The following POU6F2 variants were observed in gnomAD, a reference collection of about 807,000 sequenced individuals.
The protein encoded by POU6F2 is POU domain, class 6, transcription factor 2.
POU6F2 carries 31 observed loss-of-function variants against 71.3 expected under a neutral mutation model. That is an observed-to-expected ratio of 0.43 (90% CI 0.33 to 0.59). The LOEUF is 0.59. Ranked by LOEUF, POU6F2 falls within the 20% of genes least tolerant of loss-of-function variation. The probability of loss-of-function intolerance (pLI) is 0.04; values close to 1 mark genes in which losing one functional copy is unlikely to be tolerated. For missense variants in POU6F2, 783 were observed against 856.8 expected (o/e 0.91, Z 1.07); for synonymous variants, 347 against 355.7 (o/e 0.98, Z 0.27).
At chr7:39,009,947 G>A (rs1404512611) in intron 1 of POU6F2, among the ~76,000 whole-genome samples, 1 of 151,888 alleles carries the variant, frequency 6.6e-6, no homozygotes, top group East Asian at 1.9e-4. Context: ...GAGGATTTTT[G>A]CATCGATGTT....
chr7:39,447,594 A>G (rs1384535743), intron 7 of POU6F2, among the ~76,000 whole-genome samples: 1 of 152,200 alleles, frequency 6.6e-6, no homozygotes, highest in Non-Finnish European at 1.5e-5. Context: ...AATAATATAC[A>G]CAAAAACAGG....
intron 7 of POU6F2, among the ~76,000 whole-genome samples, chr7:39,445,075 G>T (rs80099909): frequency 0.092 from 14,046 of 152,220 alleles, 896 homozygotes; most frequent in Middle Eastern, 0.15. Context: ...GAAAACCAAT[G>T]AGAGACAGCT....
At chr7:39,221,845 G>A (rs1303727741) in intron 4 of POU6F2, among the ~76,000 whole-genome samples, 1 of 152,006 alleles carries the variant, frequency 6.6e-6, no homozygotes, top group Non-Finnish European at 1.5e-5. Flanking sequence ...GAGTACACAG[G>A]CCCTCTGTAT....
chr7:39,056,177 A>G (rs2128714848), intron 1 of POU6F2, among the ~76,000 whole-genome samples: 1 of 152,150 alleles, frequency 6.6e-6, no homozygotes, highest in East Asian at 1.9e-4. Context: ...TCTATTTCTC[A>G]ATTCCAGAAA....
chr7:39,207,403 G>C lies in POU6F2; in HGVS notation c.381G>C (p.Thr127=). 1 of 1,613,788 alleles carries C rather than the reference G, an allele frequency of 6.2e-7. No individual in the cohort carries two copies. Among genetic ancestry groups the C allele is most frequent in the Non-Finnish European group, 8.5e-7 (1 of 1,179,748 alleles). The stretch of plus-strand genomic sequence containing the variant: ...CTGTTTCCTTGCAGCCACTTCTGAC[G>C]GCACAGCAGTTAGCTTCTGCTGTGG... ...PFPVGPQPLL[T]AQQLASAVAG... Residue 127 remains threonine, a synonymous_variant, in exon 4 of 10, where the codon ACG becomes ACC. Transcript: ENST00000518318.
intron 6 of POU6F2, among the ~76,000 whole-genome samples, chr7:39,424,269 C>A (rs1249630648): frequency 1.3e-5 from 2 of 152,200 alleles, no homozygotes; most frequent in Non-Finnish European, 2.9e-5. Context: ...CATAGCAATG[C>A]CCAGCTGAAC....
chr7:39,317,734 A>G (rs1371502841), intron 4 of POU6F2, among the ~76,000 whole-genome samples: 1 of 152,210 alleles, frequency 6.6e-6, no homozygotes, highest in Non-Finnish European at 1.5e-5. Flanking sequence ...TTATTGGTTC[A>G]ACATATATTC....
At chr7:39,000,619 C>G (rs1788879176) in intron 1 of POU6F2, among the ~76,000 whole-genome samples, 1 of 151,940 alleles carries the variant, frequency 6.6e-6, no homozygotes, top group African/African-American at 2.4e-5. Flanking sequence ...ATAGCCCTGG[C>G]CTCAAGACCA....
chr7:39,394,769 A>G (rs938513519), intron 5 of POU6F2, among the ~76,000 whole-genome samples: 1 of 152,092 alleles, frequency 6.6e-6, no homozygotes, highest in Non-Finnish European at 1.5e-5. Flanking sequence ...TGAAGCATCC[A>G]TGACACCCCT....
At chr7:39,063,984 C>T (rs1562691314) in intron 1 of POU6F2, among the ~76,000 whole-genome samples, 1 of 151,956 alleles carries the variant, frequency 6.6e-6, no homozygotes, top group East Asian at 1.9e-4. Context: ...TGATACACCA[C>T]CCACATAATC....
At chr7:39,090,720 A>G (rs13224070) in intron 2 of POU6F2, among the ~76,000 whole-genome samples, 6,013 of 152,280 alleles carry the variant, frequency 0.039, 166 homozygotes, top group Middle Eastern at 0.078. Context: ...ATATCAATTG[A>G]AAATTTATAC....
intron 1 of POU6F2, among the ~76,000 whole-genome samples, chr7:39,000,368 C>T (rs1229013): frequency 0.19 from 28,573 of 152,122 alleles, 2,880 homozygotes; most frequent in Middle Eastern, 0.27. Flanking sequence ...TTACTTCTAG[C>T]GATCACTTGG....
At chr7:39,350,803 A>G (rs1457814472) in intron 5 of POU6F2, among the ~76,000 whole-genome samples, 2 of 152,254 alleles carry the variant, frequency 1.3e-5, no homozygotes, top group African/African-American at 2.4e-5. Context: ...CTTGCCTGGC[A>G]GGTGACTGTC....
At chr7:38,988,856 G>T (rs1002912045) in intron 1 of POU6F2, among the ~76,000 whole-genome samples, 11 of 152,068 alleles carry the variant, frequency 7.2e-5, no homozygotes, top group East Asian at 3.9e-4. Flanking sequence ...AAACATGGCC[G>T]TAACATTACC....
At chr7:39,174,623 A>G (rs1054201559) in intron 2 of POU6F2, among the ~76,000 whole-genome samples, 2 of 150,760 alleles carry the variant, frequency 1.3e-5, no homozygotes, top group Non-Finnish European at 3.0e-5. Context: ...TCCTTCCTTC[A>G]CCCCATGGCT....
Position 39,460,667 on chromosome 7 carries a change from C to T in POU6F2, c.1610C>T (p.Ala537Val). The change falls in exon 9 of 10, where the codon GCT becomes GTT. Residue 537 changes from alanine to valine, a missense_variant. By Grantham distance (64) the Ala-to-Val change is moderately conservative (BLOSUM62 0). Coordinates refer to ENST00000518318, the MANE Select transcript of POU6F2 (RefSeq NM_001370959.1). The surrounding 1 kb of genome is among the most constrained non-coding windows in gnomAD (Gnocchi z 4.4). Reference sequence around the variant, plus strand: ...CTGACCCAGACTCAGGTGGGACAGGCTCTCAGTGCTACAGAGGGCCCCGCG... The same window carrying T: ...CTGACCCAGACTCAGGTGGGACAGGTTCTCAGTGCTACAGAGGGCCCCGCG... ...LGLTQTQVGQ[A>V]LSATEGPAYS... 6.2e-7 allele frequency: 1 copy of T among 1,608,276 alleles called. No individual in the cohort carries two copies.
intron 4 of POU6F2, among the ~76,000 whole-genome samples, chr7:39,270,465 A>G (rs1027228452): frequency 1.3e-5 from 2 of 152,214 alleles, no homozygotes; most frequent in African/African-American, 2.4e-5. Flanking sequence ...AACACATGCT[A>G]TATTGCCTCA....
chr7:39,415,240 C>T (rs1787646825), intron 6 of POU6F2, among the ~76,000 whole-genome samples: 1 of 152,176 alleles, frequency 6.6e-6, no homozygotes, highest in Admixed American at 6.5e-5. Context: ...CCAGGCTGGT[C>T]TAGAACTTCT....
intron 4 of POU6F2, among the ~76,000 whole-genome samples, chr7:39,248,564 G>A (rs1783860214): frequency 6.6e-6 from 1 of 152,082 alleles, no homozygotes; most frequent in East Asian, 1.9e-4. Flanking sequence ...ATCCCCAAAG[G>A]ATCTTCTCTG....
Sources: allele counts gnomAD v4.1 joint callset (sites outside exome capture counted in the v4.1 genomes callset), GRCh38; gene constraint gnomAD v4.1.1; non-coding constraint Gnocchi (gnomAD v3.1); transcripts MANE v1.5; gene names NCBI Gene and HGNC (gene_info 2026-07-23, HGNC 2026-07-21).